The following ZNF732 variants were observed in gnomAD, a reference collection of about 807,000 sequenced individuals.
ZNF732 encodes the protein zinc finger protein LOC654254.
ZNF732 carries 12 observed loss-of-function variants against 11.5 expected under a neutral mutation model. The observed-to-expected ratio is 1.05, with a 90% CI of 0.67 to 1.70. The LOEUF is 1.70. Ranked by LOEUF, ZNF732 falls within the 40% of genes most tolerant of loss-of-function variation. The pLI, the probability that ZNF732 is intolerant of heterozygous loss-of-function variation, is 0.00. For synonymous variants in ZNF732, 231 were observed against 236.5 expected (o/e 0.98, Z 0.21); for missense variants, 702 against 676.9 (o/e 1.04, Z -0.41).
chr4:301,773 C>T (rs1330663825), intron 1 of ZNF732, among the ~76,000 whole-genome samples: 3 of 152,100 alleles, frequency 2.0e-5, no homozygotes, highest in African/African-American at 4.8e-5. Flanking sequence ...ATATAAATGA[C>T]GAGTTAATGG....
rs926490977 is a variant in ZNF732, at chr4:272,764, C to T, written c.227-134G>A. On this transcript the variant is annotated intron_variant, in intron 3 of 3. Coordinates refer to ENST00000419098, the MANE Select transcript of ZNF732 (RefSeq NM_001137608.3). ...AATACCACAGGCCATAATTTCTTCACAGACATATATATGTAACAAACATAT... is the reference window on the plus strand; with the variant it reads ...AATACCACAGGCCATAATTTCTTCATAGACATATATATGTAACAAACATAT... The T allele has an allele frequency of 8.1e-6, 7 of 868,914 alleles. No homozygotes were observed. The South Asian group carries it at 1.3e-4, about 16-fold the overall frequency. The allele number at this position is 868,914 out of a possible 1,614,324, so 53.8% of individuals were successfully genotyped here.
At position 305,433 on chromosome 4, in the gene ZNF732, G is replaced by T; in HGVS notation, c.-123C>A. On this transcript the variant is annotated 5_prime_UTR_variant, in exon 1 of 4. Transcript: ENST00000419098. The stretch of plus-strand genomic sequence containing the variant: ...ACGCCTCCCTGAGGGGTGAAAGCAC[G>T]GCCGTGGAGACCCTAACCGAGCTCA... 3 of 1,410,268 alleles carry T rather than the reference G, an allele frequency of 2.1e-6. No homozygotes were observed. Among genetic ancestry groups the T allele is most frequent in the Non-Finnish European group, 2.9e-6 (3 of 1,025,784 alleles). 87.4% of individuals were successfully genotyped at this position (1,410,268 alleles called of 1,614,324 possible).
intron 1 of ZNF732, among the ~76,000 whole-genome samples, chr4:299,634 A>AAAT (rs1720070374): frequency 1.4e-5 from 2 of 141,886 alleles, no homozygotes; most frequent in Non-Finnish European, 3.0e-5. Context: ...ATATTTGTAT[A>AAAT]TATTTATATA....
chr4:276,235 C>T (rs781824954), intron 3 of ZNF732, among the ~76,000 whole-genome samples: 15 of 151,648 alleles, frequency 9.9e-5, no homozygotes, highest in Non-Finnish European at 1.8e-4. Flanking sequence ...AACTTAAAAA[C>T]AATAGGGAAA....
At position 296,067 on chromosome 4, in the gene ZNF732, T is replaced by C; in HGVS notation, c.92A>G (p.Asp31Gly). The change falls in exon 2 of 4, where the codon GAT becomes GGT. Residue 31 changes from aspartate (D) to glycine (G), a missense_variant. By Grantham distance (94) the Asp-to-Gly change is moderately conservative. Transcript: ENST00000419098. ...LDPAQQNLYR[D>G]VMLENYRNLI... is the part of the protein sequence containing the mutation. ...GTTCCTGTAGTTCTCCAACATCACA[T>C]CTCTATACAAATTCTGCTGGGCAGG... The C allele has an allele frequency of 1.9e-6, 3 of 1,613,896 alleles. No individual in the cohort carries two copies. Among genetic ancestry groups the C allele is most frequent in the Non-Finnish European group, 2.5e-6 (3 of 1,179,902 alleles).
At chr4:291,487 T>C (rs1216246298) in intron 3 of ZNF732, among the ~76,000 whole-genome samples, 1 of 152,124 alleles carries the variant, frequency 6.6e-6, no homozygotes, top group African/African-American at 2.4e-5. Flanking sequence ...AAAATAAATT[T>C]AACCAATGAA....
At chr4:299,575 ATAATTT>A (rs1720067026) in intron 1 of ZNF732, among the ~76,000 whole-genome samples, 3 of 140,246 alleles carry the variant, frequency 2.1e-5, no homozygotes, top group African/African-American at 8.0e-5. Flanking sequence ...TTTTATATAT[ATAATTT>A]ATATATAAAT....
chr4:299,342 A>AGTATATATACACATATATACACATATGT lies in ZNF732; in HGVS notation c.4-3215_4-3188dup, dbSNP rs1553843052. On this transcript the variant is annotated intron_variant, in intron 1 of 3. Coordinates refer to ENST00000419098, the MANE Select transcript of ZNF732 (RefSeq NM_001137608.3). ...TACGCTCCAATTAGAAGCAGTTATGAGTATATATACACATATATACACATA... is the reference window on the plus strand; with the variant it reads ...TACGCTCCAATTAGAAGCAGTTATGAGTATATATACACATATATACACATATGTGTATATATACACATATATACACATA... Among the ~76,000 whole-genome samples, 9 of 93,524 alleles carry AGTATATATACACATATATACACATATGT rather than the reference A, an allele frequency of 9.6e-5. 2 individuals carry two copies. Among genetic ancestry groups the AGTATATATACACATATATACACATATGT allele is most frequent in the African/African-American group, 4.1e-4 (9 of 22,100 alleles). The allele number at this position is 93,524 out of a possible 152,430, so 61.4% of individuals were successfully genotyped here.
At position 272,613 on chromosome 4, in the gene ZNF732, T is replaced by A; in HGVS notation, c.244A>T (p.Thr82Ser). Residue 82 changes from threonine to serine, a missense_variant, in exon 4 of 4, where the codon ACC becomes TCC. Thr to Ser is a moderately conservative substitution (Grantham distance 58). Coordinates refer to ENST00000419098, the MANE Select transcript of ZNF732 (RefSeq NM_001137608.3). Reference protein sequence around the residue: ...AKHPAVCSHFTQDFLPVQGIE... With the variant: ...AKHPAVCSHFSQDFLPVQGIE... Reference sequence around the variant, plus strand: ...CCCTGCACTGGCAAAAAGTCTTGGGTGAAATGAGAACACACAGCTGAAAGA... The same window carrying A: ...CCCTGCACTGGCAAAAAGTCTTGGGAGAAATGAGAACACACAGCTGAAAGA... 6.5e-7 allele frequency: 1 copy of A among 1,529,602 alleles called. No individual in the cohort carries two copies. The highest frequency in any genetic ancestry group is 8.7e-7 in the Non-Finnish European group (1 of 1,143,306). 94.8% of individuals were successfully genotyped at this position (1,529,602 alleles called of 1,614,324 possible).
At chr4:279,176 T>G (rs1365574106) in intron 3 of ZNF732, among the ~76,000 whole-genome samples, 1 of 151,016 alleles carries the variant, frequency 6.6e-6, no homozygotes, top group African/African-American at 2.4e-5. Context: ...CAGTGGCTCA[T>G]GCCTATAATT....
Position 273,888 on chromosome 4 carries a change from A to G in ZNF732, c.227-1258T>C, listed in dbSNP as rs562344747. On this transcript the variant is annotated intron_variant, in intron 3 of 3. Transcript: ENST00000419098. ...GCTAGGAAAAAAAAAAAAAACTTCT[A>G]TGTGGGAATCATATAACCAGCAAAA... Among the ~76,000 whole-genome samples, 8 of 151,686 alleles carry G rather than the reference A, an allele frequency of 5.3e-5. No homozygotes were observed. In the East Asian group the frequency reaches 1.5e-3, roughly 29 times the overall value.
intron 3 of ZNF732, among the ~76,000 whole-genome samples, chr4:276,130 C>T (rs1719490540): frequency 6.6e-6 from 1 of 151,500 alleles, no homozygotes; most frequent in Admixed American, 6.6e-5. Flanking sequence ...TATAGATTTA[C>T]AAATAAATAG....
intron 1 of ZNF732, among the ~76,000 whole-genome samples, chr4:302,989 G>A (rs1720148251): frequency 1.3e-5 from 2 of 152,004 alleles, no homozygotes; most frequent in Admixed American, 1.3e-4. Flanking sequence ...CTTCCTCAAG[G>A]ACTTAACTTG....
intron 3 of ZNF732, among the ~76,000 whole-genome samples, chr4:293,260 ATATATATG>A (rs1344870172): frequency 2.1e-5 from 3 of 142,554 alleles, no homozygotes; most frequent in Non-Finnish European, 4.5e-5. Flanking sequence ...ATATATACAC[ATATATATG>A]TATATATGTA....
chr4:289,654 C>A (rs1292517707), intron 3 of ZNF732, among the ~76,000 whole-genome samples: 1 of 151,862 alleles, frequency 6.6e-6, no homozygotes, highest in Non-Finnish European at 1.5e-5. Context: ...GATTTTTTTT[C>A]TTTGTTAAAA....
At position 287,773 on chromosome 4, in the gene ZNF732, T is replaced by G. The variant is rs142144367; in HGVS notation, c.226+7665A>C. Among the ~76,000 whole-genome samples, 507 of 152,166 alleles carry G rather than the reference T, an allele frequency of 3.3e-3. 2 individuals are homozygous for G. The highest frequency in any genetic ancestry group is 0.011 in the African/African-American group (471 of 41,514). ...ATTCTCCTGCCTCAGCCTCCTGCCT[T>G]CAGATATACTTTGGATATTTTGAAT... On this transcript the variant is annotated intron_variant, in intron 3 of 3. Coordinates refer to ENST00000419098, the MANE Select transcript of ZNF732 (RefSeq NM_001137608.3).
At chr4:284,761 C>G (rs1719693876) in intron 3 of ZNF732, among the ~76,000 whole-genome samples, 1 of 150,240 alleles carries the variant, frequency 6.7e-6, no homozygotes, top group Non-Finnish European at 1.5e-5. Context: ...AACCCAGCTA[C>G]TCGGGAGGCT....
intron 1 of ZNF732, among the ~76,000 whole-genome samples, chr4:304,121 T>C (rs1720176118): frequency 1.3e-5 from 2 of 152,056 alleles, no homozygotes; most frequent in Admixed American, 6.5e-5. Context: ...ATTGGCAGAA[T>C]ACCCTAGGAG....
intron 1 of ZNF732, among the ~76,000 whole-genome samples, chr4:304,623 G>C (rs888268285): frequency 3.3e-5 from 5 of 151,954 alleles, no homozygotes; most frequent in African/African-American, 4.8e-5. Flanking sequence ...ATTTCTGAAC[G>C]CCTGCCTACA....
Sources: allele counts gnomAD v4.1 joint callset (sites outside exome capture counted in the v4.1 genomes callset), GRCh38; gene constraint gnomAD v4.1.1; transcripts MANE v1.5; gene names NCBI Gene and HGNC (gene_info 2026-07-23, HGNC 2026-07-21).